AKR1C3: variants seen among roughly 807,000 people sequenced by gnomAD.
AKR1C3 encodes the protein 3-alpha hydroxysteroid dehydrogenase, type II.
A neutral mutation model predicts 43.6 loss-of-function variants in AKR1C3; 48 were observed. That is an observed-to-expected ratio of 1.10 (90% CI 0.87 to 1.40). AKR1C3 has a LOEUF of 1.40. Ranked by LOEUF, AKR1C3 falls within the 40% of genes most tolerant of loss-of-function variation. The pLI, the probability that AKR1C3 is intolerant of heterozygous loss-of-function variation, is 0.00. For synonymous variants in AKR1C3, 162 were observed against 139.6 expected, an observed-to-expected ratio of 1.16 and a Z score of -1.13; for missense variants, 482 against 391.2, an observed-to-expected ratio of 1.23 and a Z score of -1.96.
Position 5,097,500 on chromosome 10 carries a change from C to T in AKR1C3, c.319C>T (p.Gln107Ter), listed in dbSNP as rs781871241. Reference sequence around the variant, plus strand: ...CTTGGAAAACTCACTGAAGAAAGCTCAATTGGACTATGTTGACCTCTATCT... The same window carrying T: ...CTTGGAAAACTCACTGAAGAAAGCTTAATTGGACTATGTTGACCTCTATCT... The part of the protein sequence containing the change: ...PALENSLKKA[Q>*]LDYVDLYLIH... The change falls in exon 3 of 9, where the codon CAA becomes TAA. Residue 107 changes from glutamine (Q) to a stop codon, truncating the protein, a stop_gained. Transcript: ENST00000380554. LOFTEE classifies it high-confidence loss of function. 2.9e-5 allele frequency: 47 copies of T among 1,613,682 alleles called. No homozygotes were observed. Among genetic ancestry groups the T allele is most frequent in the Non-Finnish European group, 3.8e-5 (45 of 1,179,764 alleles).
chr10:5,063,229 A>G (rs1838419033), intron 1 of AKR1C3, among the ~76,000 whole-genome samples: 1 of 152,242 alleles, frequency 6.6e-6, no homozygotes. Flanking sequence ...TGTAATTAGT[A>G]ACAAAACAAT....
chr10:5,085,991 A>G (rs552346740), intron 1 of AKR1C3, among the ~76,000 whole-genome samples: 1,612 of 151,770 alleles, frequency 0.011, 64 homozygotes, highest in African/African-American at 0.037. Context: ...TCTTGCTAGC[A>G]GTCTATCAAT....
chr10:5,059,523 G>A (rs1332898549), intron 1 of AKR1C3, among the ~76,000 whole-genome samples: 3 of 152,178 alleles, frequency 2.0e-5, no homozygotes, highest in Non-Finnish European at 4.4e-5. Flanking sequence ...TACAGGAAAA[G>A]CAGAAGCTGG....
chr10:5,102,197 C>A lies in AKR1C3; in HGVS notation c.667C>A (p.Arg223=). 1.9e-6 allele frequency: 3 copies of A among 1,612,770 alleles called. No homozygotes were observed. The highest frequency in any genetic ancestry group is 1.7e-6 in the Non-Finnish European group (2 of 1,179,110). ...LVAYSALGSQ[R]DKRWVDPNSP... Reference sequence around the variant, plus strand: ...TGCCTATAGTGCTCTGGGATCTCAACGAGACAAACGATGGTAATAAAAACA... The same window carrying A: ...TGCCTATAGTGCTCTGGGATCTCAAAGAGACAAACGATGGTAATAAAAACA... The change falls in exon 6 of 9, where the codon CGA becomes AGA. Residue 223 remains arginine, a synonymous_variant. Transcript: ENST00000380554.
At chr10:5,079,621 G>A (rs958439725) in intron 1 of AKR1C3, among the ~76,000 whole-genome samples, 1 of 151,862 alleles carries the variant, frequency 6.6e-6, no homozygotes, top group Non-Finnish European at 1.5e-5. Flanking sequence ...TCTTCCTGAG[G>A]GCAGCTTGGG....
intron 1 of AKR1C3, among the ~76,000 whole-genome samples, chr10:5,057,521 G>T (rs920106426): frequency 3.3e-5 from 5 of 152,208 alleles, no homozygotes; most frequent in Non-Finnish European, 7.3e-5. Context: ...GAGTGATTTG[G>T]GTGACGGGAG....
intron 1 of AKR1C3, 112 bp from the exon 2 acceptor site, chr10:5,096,298 C>T (rs569849957): frequency 6.8e-6 from 9 of 1,321,284 alleles, no homozygotes; most frequent in Admixed American, 5.1e-5. Flanking sequence ...GACTTTTCAC[C>T]CCACATACAG....
At chr10:5,065,883 C>G (rs1003662786) in intron 1 of AKR1C3, among the ~76,000 whole-genome samples, 1 of 152,150 alleles carries the variant, frequency 6.6e-6, no homozygotes, top group Non-Finnish European at 1.5e-5. Context: ...GGCAGAGGGA[C>G]AGCTGGTCTT....
Position 5,107,538 on chromosome 10 carries a change from C to G in AKR1C3, c.*35C>G, listed in dbSNP as rs782443432. 1.7e-5 allele frequency: 26 copies of G among 1,525,326 alleles called. No individual in the cohort carries two copies. Among genetic ancestry groups the G allele is most frequent in the Non-Finnish European group, 2.0e-5 (22 of 1,101,870 alleles). 94.5% of individuals were successfully genotyped at this position (1,525,326 alleles called of 1,614,324 possible). On this transcript the variant is annotated 3_prime_UTR_variant, in exon 9 of 9. Transcript: ENST00000380554. The stretch of plus-strand genomic sequence containing the variant: ...CTTTGCCTGATGTCTACCAGAAGCC[C>G]TGTGTGTGGATGGTGACGCAGAGGA...
intron 7 of AKR1C3, among the ~76,000 whole-genome samples, chr10:5,104,692 A>T (rs984101298): frequency 1.3e-5 from 2 of 152,164 alleles, no homozygotes; most frequent in African/African-American, 2.4e-5. Context: ...CAATATTGAG[A>T]CTTTCAACCT....
intron 1 of AKR1C3, among the ~76,000 whole-genome samples, chr10:5,050,836 A>C (rs1838138249): frequency 6.6e-6 from 1 of 152,214 alleles, no homozygotes; most frequent in Non-Finnish European, 1.5e-5. Context: ...AAAATTACCA[A>C]ATATGTTTCA....
At chr10:5,062,513 T>C (rs1166420765) in intron 1 of AKR1C3, among the ~76,000 whole-genome samples, 2 of 152,200 alleles carry the variant, frequency 1.3e-5, no homozygotes, top group African/African-American at 4.8e-5. Context: ...TCCGTATTAG[T>C]GTCTAATGAA....
rs1007171159 is a variant in AKR1C3 at position 5,077,287 on chromosome 10, A to T, written c.85-19123A>T. Among the ~76,000 whole-genome samples the T allele has an allele frequency of 8.1e-4, 123 of 152,152 alleles. 2 individuals are homozygous for T. Among genetic ancestry groups the T allele is most frequent in the African/African-American group, 2.8e-3 (115 of 41,432 alleles). On this transcript the variant is annotated intron_variant, in intron 1 of 8. Transcript: ENST00000439082. ...CATAGAGAGAAGAGGGTCTGTATGG[A>T]TACCTGAAAATGTGATTTTATATAT...
At chr10:5,096,060 C>T (rs1202260800) in intron 1 of AKR1C3, 4 of 170,158 alleles carry the variant, frequency 2.4e-5, no homozygotes, top group Admixed American at 5.9e-5. Context: ...GAGCTTGCAC[C>T]GTTTCCCTTC....
At chr10:5,050,006 G>A (rs1478905501) in intron 1 of AKR1C3, among the ~76,000 whole-genome samples, 4 of 149,752 alleles carry the variant, frequency 2.7e-5, no homozygotes, top group Non-Finnish European at 5.9e-5. Context: ...ACACACTGTG[G>A]ATACTGCCCA....
At chr10:5,072,525 T>C (rs1554781414) in intron 1 of AKR1C3, among the ~76,000 whole-genome samples, 1 of 152,342 alleles carries the variant, frequency 6.6e-6, no homozygotes, top group East Asian at 1.9e-4. Flanking sequence ...TGACTAAGCC[T>C]CTAGCCAGAA....
At chr10:5,060,914 G>A (rs958787311) in intron 1 of AKR1C3, among the ~76,000 whole-genome samples, 13 of 152,226 alleles carry the variant, frequency 8.5e-5, no homozygotes, top group Non-Finnish European at 1.5e-4. Flanking sequence ...CCTGGGGCTT[G>A]CGGGCTGGCC....
intron 1 of AKR1C3, among the ~76,000 whole-genome samples, chr10:5,087,575 C>T (rs1838998852): frequency 6.6e-6 from 1 of 151,806 alleles, no homozygotes; most frequent in African/African-American, 2.4e-5. Context: ...GGGGTTTCAC[C>T]ATGTTGGCCA....
intron 1 of AKR1C3, among the ~76,000 whole-genome samples, chr10:5,066,100 A>T (rs1163774838): frequency 6.6e-6 from 1 of 152,212 alleles, no homozygotes; most frequent in Non-Finnish European, 1.5e-5. Flanking sequence ...TTGGGTTAAA[A>T]CATTTATTGG....
Sources: gnomAD v4.1 joint callset for allele counts (sites outside exome capture counted in the v4.1 genomes callset) on GRCh38, gnomAD v4.1.1 for gene constraint, MANE v1.5 for transcripts, NCBI Gene and HGNC (gene_info 2026-07-23, HGNC 2026-07-21) for gene names.